The following MS4A6E variants were observed in gnomAD, a reference collection of about 807,000 sequenced individuals.
The protein encoded by MS4A6E is membrane-spanning 4-domains subfamily A member 6E.
A neutral mutation model predicts 13.2 loss-of-function variants in MS4A6E; 8 were observed. That is an observed-to-expected ratio of 0.60 (90% CI 0.35 to 1.09). The LOEUF is 1.09. MS4A6E is among the 50% of genes least tolerant of loss of function. The probability of loss-of-function intolerance (pLI) is 0.02; values close to 1 mark genes in which losing one functional copy is unlikely to be tolerated. For synonymous variants in MS4A6E, 72 were observed against 67.6 expected, an observed-to-expected ratio of 1.06 and a Z score of -0.32; for missense variants, 177 against 171.1, an observed-to-expected ratio of 1.03 and a Z score of -0.19.
At chr11:60,335,720 T>C (rs1178145019) in intron 2 of MS4A6E, 3 of 392,602 alleles carry the variant, frequency 7.6e-6, no homozygotes, top group African/African-American at 4.2e-5. Flanking sequence ...TACAATCATA[T>C]GGGTTTCTAT....
downstream of MS4A6E, among the ~76,000 whole-genome samples, chr11:60,344,970 C>T (rs1229433149): frequency 2.0e-5 from 3 of 152,014 alleles, no homozygotes; most frequent in Admixed American, 2.0e-4. Context: ...GAGTCTCACT[C>T]TGTGGCCCAG....
chr11:60,330,405 G>A (rs1299585471), intron 1 of MS4A6E, among the ~76,000 whole-genome samples: 2 of 133,962 alleles, frequency 1.5e-5, no homozygotes, highest in South Asian at 2.5e-4. Context: ...GCAGTGGCGC[G>A]ATCTCGGCTC....
At chr11:60,332,610 A>T (rs1334091693) in intron 1 of MS4A6E, among the ~76,000 whole-genome samples, 1 of 152,186 alleles carries the variant, frequency 6.6e-6, no homozygotes, top group Admixed American at 6.5e-5. Context: ...TTGACATGGC[A>T]TGGTTTAAGT....
chr11:60,327,821 G>C (rs781754584), intron 1 of MS4A6E, among the ~76,000 whole-genome samples: 3 of 152,028 alleles, frequency 2.0e-5, no homozygotes, highest in Non-Finnish European at 4.4e-5. Context: ...CTGGAGGTCA[G>C]GAGTTCAAGA....
chr11:60,348,035 C>T (rs1264748103), intron 4 of MS4A6E, among the ~76,000 whole-genome samples: 2 of 152,188 alleles, frequency 1.3e-5, no homozygotes, highest in African/African-American at 4.8e-5. Flanking sequence ...ATCCCCTTAC[C>T]ATTTAAGTAC....
Position 60,339,963 on chromosome 11 carries a change from G to A in MS4A6E, c.*8G>A, listed in dbSNP as rs1330953600. 5 of 1,613,246 alleles carry A rather than the reference G, an allele frequency of 3.1e-6. 1 individual carries two copies. In the South Asian group the frequency reaches 5.5e-5, roughly 18 times the overall value. ...TGGAAACAGACTGTCTGACTTCCCT[G>A]GGTGAGTGTGCTGGCCAGCCTCGCT... On this transcript the variant is annotated splice_region_variant and 3_prime_UTR_variant, in exon 4 of 5. Coordinates refer to ENST00000684409, the MANE Select transcript of MS4A6E (RefSeq NM_139249.4).
chr11:60,345,683 G>T (rs74699130), downstream of MS4A6E, among the ~76,000 whole-genome samples: 696 of 152,342 alleles, frequency 4.6e-3, 2 homozygotes, highest in African/African-American at 0.015. Flanking sequence ...AACAGAGTCT[G>T]TTAAGGAGCT....
chr11:60,347,980 G>C (rs1046534890), intron 4 of MS4A6E, among the ~76,000 whole-genome samples: 1 of 152,140 alleles, frequency 6.6e-6, no homozygotes, highest in Non-Finnish European at 1.5e-5. Flanking sequence ...CCATGCTAAA[G>C]TGTTTACCCT....
intron 1 of MS4A6E, among the ~76,000 whole-genome samples, chr11:60,331,755 C>A: frequency 6.6e-6 from 1 of 152,106 alleles, no homozygotes; most frequent in South Asian, 2.1e-4. Flanking sequence ...AAAATTCTAA[C>A]CCCTAAAGTG....
intron 4 of MS4A6E, among the ~76,000 whole-genome samples, chr11:60,346,800 AC>A (rs1314675227): frequency 1.3e-5 from 2 of 152,078 alleles, no homozygotes; most frequent in African/African-American, 4.8e-5. Context: ...TTTTCAGTCT[AC>A]TATAAAAAAC....
intron 1 of MS4A6E, 74 bp from the exon 2 acceptor site, chr11:60,334,808 T>A (rs2085177712): frequency 6.6e-7 from 1 of 1,523,414 alleles, no homozygotes; most frequent in African/African-American, 1.4e-5. Flanking sequence ...TGGCAGAAAC[T>A]GACTTACCAG....
At chr11:60,328,839 G>A (rs2135052659) in intron 1 of MS4A6E, among the ~76,000 whole-genome samples, 1 of 152,264 alleles carries the variant, frequency 6.6e-6, no homozygotes, top group Admixed American at 6.5e-5. Flanking sequence ...TAAGTAGGAT[G>A]AGCAAATCTA....
chr11:60,335,187 C>G, intron 2 of MS4A6E, 145 bp downstream of exon 2: 3 of 1,180,894 alleles, frequency 2.5e-6, no homozygotes, highest in Non-Finnish European at 3.5e-6. Flanking sequence ...TTGGAGAAAA[C>G]TGTCCCAGAA....
intron 2 of MS4A6E, 26 bp from the exon 3 acceptor site, chr11:60,337,715 A>T (rs1565156462): frequency 6.2e-7 from 1 of 1,613,634 alleles, no homozygotes; most frequent in Non-Finnish European, 8.5e-7. Flanking sequence ...TTTGGGAATG[A>T]TTCTTACCCA....
Position 60,334,692 on chromosome 11 carries a change from G to C in MS4A6E, c.-14-190G>C. On this transcript the variant is annotated intron_variant, in intron 1 of 4. Coordinates refer to ENST00000684409, the MANE Select transcript of MS4A6E (RefSeq NM_139249.4). The stretch of plus-strand genomic sequence containing the variant: ...ATGTGTTTATTATCTATAATGGACT[G>C]TGTCAAACATTATGGAAAAATCCTC... 3 of 607,240 alleles carry C rather than the reference G, an allele frequency of 4.9e-6. No individual in the cohort carries two copies. The South Asian group carries it at 6.2e-5, about 13-fold the overall frequency. The allele number at this position is 607,240 out of a possible 1,614,324, so 37.6% of individuals were successfully genotyped here.
chr11:60,345,056 T>C (rs1206088888), downstream of MS4A6E, among the ~76,000 whole-genome samples: 1 of 152,096 alleles, frequency 6.6e-6, no homozygotes, highest in Non-Finnish European at 1.5e-5. Flanking sequence ...TGCCTCAGCC[T>C]CCCGAGTAGC....
At chr11:60,349,034 AT>A (rs2085267985) in intron 4 of MS4A6E, among the ~76,000 whole-genome samples, 1 of 152,228 alleles carries the variant, frequency 6.6e-6, no homozygotes, top group Admixed American at 6.5e-5. Flanking sequence ...GTGGGGGTGG[AT>A]AAAAAAGTGC....
At chr11:60,331,633 T>C (rs11230276) in intron 1 of MS4A6E, among the ~76,000 whole-genome samples, 54,399 of 152,030 alleles carry the variant, frequency 0.36, 10,252 homozygotes, top group East Asian at 0.41. Context: ...TTGCATCACA[T>C]AAGGATGAAC....
In MS4A6E at chr11:60,339,857, G is replaced by A; in HGVS notation, c.355-9G>A. On this transcript the variant is annotated splice_polypyrimidine_tract_variant and intron_variant, in intron 3 of 4. Transcript: ENST00000684409. ...AAGCATCACTGATATTTTATTTCTT[G>A]ACTTTCAGGGAACTCTGTCTCTGAT... The A allele has an allele frequency of 6.2e-7, 1 of 1,612,474 alleles. No individual in the cohort carries two copies. The highest frequency in any genetic ancestry group is 8.5e-7 in the Non-Finnish European group (1 of 1,178,804).
Sources: allele counts gnomAD v4.1 joint callset (sites outside exome capture counted in the v4.1 genomes callset), GRCh38; gene constraint gnomAD v4.1.1; transcripts MANE v1.5; gene names NCBI Gene and HGNC (gene_info 2026-07-23, HGNC 2026-07-21).